FAM9A: variants seen among roughly 807,000 people sequenced by gnomAD.
The protein encoded by FAM9A is protein FAM9A.
In FAM9A, 49 loss-of-function variants were observed where a neutral mutation model predicts 25.0. That is an observed-to-expected ratio of 1.96 (90% confidence interval 1.56 to 2.48). The LOEUF is 2.48. FAM9A is among the 30% of genes most tolerant of loss of function. The pLI, the probability that FAM9A is intolerant of heterozygous loss-of-function variation, is 0.00. For synonymous variants in FAM9A, 80 were observed against 85.1 expected (o/e 0.94, Z 0.33); for missense variants, 266 against 249.3 (o/e 1.07, Z -0.45).
At chrX:8,795,000 G>C (rs1368449485) in intron 7 of FAM9A, 78 bp downstream of exon 7, 16 of 1,123,442 alleles carry the variant, frequency 1.4e-5, no homozygotes, top group Non-Finnish European at 1.9e-5. Context: ...TTCCTTCTTT[G>C]CTGGATTTCT....
Position 8,798,977 on chromosome X carries a change from T to C in FAM9A, c.209A>G (p.Lys70Arg), listed in dbSNP as rs138951356. ...TGGGCTGTGTTTACCTGTGTGCTTC[T>C]TCGCCGGGGCGGCCCTAACTTGAGC... Reference protein sequence around the residue: ...LEAQVRAAPAKKHTGKDPVRD... With the variant: ...LEAQVRAAPARKHTGKDPVRD... Residue 70 changes from lysine to arginine, a missense_variant, in exon 3 of 10, where the codon AAG (lysine) becomes AGG (arginine). Physicochemically the swap from Lys to Arg is conservative, Grantham distance 26. Transcript: ENST00000381003. 274 of 1,211,905 alleles carry C rather than the reference T, an allele frequency of 2.3e-4. 2 individuals are homozygous for C. In the African/African-American group the frequency reaches 2.8e-3, roughly 12 times the overall value.
chrX:8,800,285 T>A, intron 1 of FAM9A, 76 bp from the exon 2 acceptor site: 1 of 986,328 alleles, frequency 1.0e-6, no homozygotes, highest in Non-Finnish European at 1.4e-6. Flanking sequence ...GGATCTCGGA[T>A]TCAAGAAAGG....
chrX:8,791,657 G>A (rs113684526), intron 8 of FAM9A, among the ~76,000 whole-genome samples: 52 of 111,815 alleles, frequency 4.7e-4, no homozygotes, highest in African/African-American at 1.5e-3. Context: ...TCAAGATGGA[G>A]CAAAGACAGA....
chrX:8,794,867 C>T (rs1602068737), intron 7 of FAM9A, among the ~76,000 whole-genome samples: 2 of 111,995 alleles, frequency 1.8e-5, no homozygotes, highest in South Asian at 7.4e-4. Flanking sequence ...GCCAACCGGG[C>T]TCACTTTAAC....
At chrX:8,797,740 G>A (rs774605247) in intron 5 of FAM9A, among the ~76,000 whole-genome samples, 2 of 110,579 alleles carry the variant, frequency 1.8e-5, no homozygotes, top group Admixed American at 1.9e-4. Flanking sequence ...CCTGTGACAC[G>A]CAATTATCTA....
chrX:8,800,643 G>A (rs1338103360), intron 1 of FAM9A, among the ~76,000 whole-genome samples: 6 of 107,188 alleles, frequency 5.6e-5, no homozygotes, highest in East Asian at 3.0e-4. Context: ...CCTGACGGGC[G>A]GCCGGGCTGG....
intron 5 of FAM9A, among the ~76,000 whole-genome samples, chrX:8,797,311 A>AT (rs975920305): frequency 1.8e-5 from 2 of 110,425 alleles, no homozygotes; most frequent in Non-Finnish European, 3.8e-5. Context: ...AATTTTCTCA[A>AT]TTTTTTTTTG....
chrX:8,795,607 G>A (rs1201141776), intron 6 of FAM9A, among the ~76,000 whole-genome samples, 187 bp from the exon 7 acceptor site: 3 of 111,834 alleles, frequency 2.7e-5, no homozygotes, highest in Non-Finnish European at 5.6e-5. Context: ...CTTCCTAACT[G>A]ACTACTAGAG....
At chrX:8,797,058 G>T (rs1331188757) in intron 5 of FAM9A, among the ~76,000 whole-genome samples, 1 of 112,184 alleles carries the variant, frequency 8.9e-6, no homozygotes, top group Non-Finnish European at 1.9e-5. Flanking sequence ...TCACATCAGA[G>T]ATCTACCATC....
rs199608514 is a variant in FAM9A at position 8,795,299 on chromosome X, C to T, written c.610G>A (p.Ala204Thr). Residue 204 changes from alanine to threonine, a missense_variant, in exon 7 of 10, where the codon GCA becomes ACA. Physicochemically the swap from Ala to Thr is moderately conservative, Grantham distance 58 (BLOSUM62 0). Transcript: ENST00000381003. ...GCTGCTGCGGCTTCTGCTGCTGCTGCGGCTTCTGCTGCTGCTGCTGCGGCT... is the reference window on the plus strand; with the variant it reads ...GCTGCTGCGGCTTCTGCTGCTGCTGTGGCTTCTGCTGCTGCTGCTGCGGCT... ...AEAAAAAAEAAAAAEAAAAAA... is the reference protein window; with the variant it reads ...AEAAAAAAEATAAAEAAAAAA... 150 of 1,198,906 alleles carry T rather than the reference C, an allele frequency of 1.3e-4. No individual in the cohort carries two copies. The Middle Eastern group carries it at 2.1e-3, about 17-fold the overall frequency.
intron 3 of FAM9A, 101 bp from the exon 4 acceptor site, chrX:8,798,580 A>T (rs1933560851): frequency 1.8e-6 from 2 of 1,138,574 alleles, no homozygotes; most frequent in African/African-American, 3.7e-5. Flanking sequence ...TTGGCTCTCT[A>T]CCAATTAAAG....
chrX:8,792,093 A>T (rs929760615), intron 8 of FAM9A, among the ~76,000 whole-genome samples: 2 of 112,118 alleles, frequency 1.8e-5, no homozygotes, highest in Non-Finnish European at 3.8e-5. Flanking sequence ...AAATTTTTTT[A>T]AAGCATTGTG....
chrX:8,793,387 C>A (rs746081633), intron 8 of FAM9A, among the ~76,000 whole-genome samples: 1 of 111,956 alleles, frequency 8.9e-6, no homozygotes, highest in East Asian at 2.8e-4. Context: ...TGTGTCAATG[C>A]GTTAACAATA....
At position 8,798,510 on chromosome X, in the gene FAM9A, T is replaced by G. The variant is rs753554786; in HGVS notation, c.221-31A>C. 10 of 1,200,206 alleles carry G rather than the reference T, an allele frequency of 8.3e-6. No individual in the cohort carries two copies. In the Admixed American group the frequency reaches 1.6e-4, roughly 19 times the overall value. ...TTAAAATGTAAAAGACAAACCATTTTTAGAGGAAGACGCTGTTGTGGACAT... is the reference window on the plus strand; with the variant it reads ...TTAAAATGTAAAAGACAAACCATTTGTAGAGGAAGACGCTGTTGTGGACAT... On this transcript the variant is annotated intron_variant, in intron 3 of 9. Coordinates refer to ENST00000381003, the MANE Select transcript of FAM9A (RefSeq NM_174951.3).
intron 7 of FAM9A, 37 bp from the exon 8 acceptor site, chrX:8,793,793 AT>A: frequency 1.1e-6 from 1 of 949,811 alleles, no homozygotes; most frequent in Non-Finnish European, 1.5e-6. Context: ...AAATTGGGTA[AT>A]TTTTAATACT....
At chrX:8,796,077 A>G (rs1484094429) in intron 6 of FAM9A, among the ~76,000 whole-genome samples, 191 bp downstream of exon 6, 1 of 111,811 alleles carries the variant, frequency 8.9e-6, no homozygotes, top group African/African-American at 3.2e-5. Flanking sequence ...GGCTTTCTAG[A>G]TAATATGCCT....
chrX:8,795,707 G>GT (rs988443837), intron 6 of FAM9A, among the ~76,000 whole-genome samples: 2 of 111,724 alleles, frequency 1.8e-5, no homozygotes, highest in Non-Finnish European at 3.8e-5. Context: ...TCTAACAGCA[G>GT]TTTACTTTTC....
intron 8 of FAM9A, among the ~76,000 whole-genome samples, chrX:8,792,361 G>A (rs1933480305): frequency 1.8e-5 from 2 of 111,236 alleles, no homozygotes; most frequent in South Asian, 7.7e-4. Context: ...GCTCAGAAGA[G>A]AAGAGAGAAC....
chrX:8,794,037 C>T (rs1933498863), intron 7 of FAM9A, among the ~76,000 whole-genome samples: 1 of 111,933 alleles, frequency 8.9e-6, no homozygotes. Flanking sequence ...TATTTGACGA[C>T]CCTTCCTATA....
Sources: allele counts gnomAD v4.1 joint callset (sites outside exome capture counted in the v4.1 genomes callset), GRCh38; gene constraint gnomAD v4.1.1; transcripts MANE v1.5; gene names NCBI Gene and HGNC (gene_info 2026-07-23, HGNC 2026-07-21).